The following GLB1L2 variants were observed in gnomAD, a reference collection of about 807,000 sequenced individuals.
GLB1L2 encodes the protein beta-galactosidase-1-like protein 2.
GLB1L2 carries 68 observed loss-of-function variants against 84.1 expected under a neutral mutation model. That is an observed-to-expected ratio of 0.81 (90% CI 0.67 to 0.99). GLB1L2 has a LOEUF of 0.99. Ranked by LOEUF, GLB1L2 falls within the 50% of genes least tolerant of loss-of-function variation. The probability of loss-of-function intolerance (pLI) is 0.00; values close to 1 mark genes in which losing one functional copy is unlikely to be tolerated. For missense variants in GLB1L2, 762 were observed against 805.6 expected, an observed-to-expected ratio of 0.95 and a Z score of 0.66; for synonymous variants, 290 against 318.0, an observed-to-expected ratio of 0.91 and a Z score of 0.94.
At chr11:134,373,927 C>T (rs948541404) in intron 16 of GLB1L2, 119 bp downstream of exon 16, 2 of 822,944 alleles carry the variant, frequency 2.4e-6, no homozygotes, top group Non-Finnish European at 4.0e-6. Context: ...CCTCCAGGGG[C>T]CAGATCGGCT....
In GLB1L2 at chr11:134,345,206, C is replaced by T. The variant is rs1398082520; in HGVS notation, c.449+77C>T. The T allele has an allele frequency of 3.2e-6, 4 of 1,261,788 alleles. No individual in the cohort carries two copies. The African/African-American group carries it at 6.9e-5, about 22-fold the overall frequency. The allele number at this position is 1,261,788 out of a possible 1,614,324, so 78.2% of individuals were successfully genotyped here. A position where few individuals can be genotyped will look rare whatever the true frequency, so the allele number is the denominator to read the frequency against. On this transcript the variant is annotated intron_variant, in intron 4 of 18. Coordinates refer to ENST00000535456, the MANE Select transcript of GLB1L2 (RefSeq NM_001370461.1). ...ATAGGTCTGGTTTGTTTCTGTGTTC[C>T]AGTTCCCATTCTGTACTGAATTGTG...
At chr11:134,369,697 A>T (rs765666222) in intron 10 of GLB1L2, 108 bp from the exon 11 acceptor site, 8 of 880,204 alleles carry the variant, frequency 9.1e-6, no homozygotes, top group Non-Finnish European at 1.4e-5. Flanking sequence ...TGCCTCCCCA[A>T]TGGCTGAGAT....
intron 18 of GLB1L2, 123 bp downstream of exon 18, chr11:134,374,841 C>G: frequency 8.6e-7 from 1 of 1,157,402 alleles, no homozygotes; most frequent in Admixed American, 1.8e-5. Context: ...TCGCTGCAGA[C>G]GAGTTGTTGG....
intron 16 of GLB1L2, among the ~76,000 whole-genome samples, 165 bp from the exon 17 acceptor site, chr11:134,373,980 C>T (rs1348678904): frequency 6.6e-6 from 1 of 152,218 alleles, no homozygotes; most frequent in Non-Finnish European, 1.5e-5. Flanking sequence ...GCCGCATTTG[C>T]AGACTAGGAA....
chr11:134,373,740 T>A lies in GLB1L2; in HGVS notation c.1527T>A (p.Tyr509Ter). ...CCACAGGCTTAATTGGAAATCTCTA[T>A]CTGAATGATTCACCCCTGAAAAACT... ...DQRKGLIGNL[Y>*]LNDSPLKNFR... The change falls in exon 16 of 19, where the codon TAT becomes TAA. Residue 509 changes from tyrosine (Y) to a stop codon, truncating the protein, a stop_gained. Coordinates refer to ENST00000535456, the MANE Select transcript of GLB1L2 (RefSeq NM_001370461.1). LOFTEE classifies it high-confidence loss of function. 4 of 1,612,306 alleles carry A rather than the reference T, an allele frequency of 2.5e-6. No homozygotes were observed. The highest frequency in any genetic ancestry group is 3.4e-6 in the Non-Finnish European group (4 of 1,178,560).
At chr11:134,350,574 A>G (rs1202038158) in intron 5 of GLB1L2, among the ~76,000 whole-genome samples, 1 of 152,194 alleles carries the variant, frequency 6.6e-6, no homozygotes, top group Non-Finnish European at 1.5e-5. Context: ...ATATGAAGTT[A>G]AAACCAGGTA....
chr11:134,347,059 TG>T, intron 4 of GLB1L2: 1 of 441,640 alleles, frequency 2.3e-6, no homozygotes, highest in Non-Finnish European at 4.2e-6. Context: ...TTCTCACTGC[TG>T]GCAGCCAGGC....
chr11:134,366,489 A>T (rs1423603627), intron 8 of GLB1L2, among the ~76,000 whole-genome samples: 1 of 152,180 alleles, frequency 6.6e-6, no homozygotes, highest in East Asian at 1.9e-4. Context: ...TGAATAAGTG[A>T]GGAAGGCTCT....
At chr11:134,361,044 T>A (rs1346683742) in intron 7 of GLB1L2, 1 of 152,142 alleles carries the variant, frequency 6.6e-6, no homozygotes, top group Non-Finnish European at 1.5e-5. Flanking sequence ...TCCCAGCTAC[T>A]CGGGAGCTGA....
intron 5 of GLB1L2, among the ~76,000 whole-genome samples, chr11:134,355,045 C>G (rs980213386): frequency 3.9e-5 from 6 of 152,098 alleles, no homozygotes; most frequent in Admixed American, 2.0e-4. Flanking sequence ...CTTTTATCTC[C>G]TCAGACCTGA....
rs1018187561 is a variant in GLB1L2 at position 134,370,075 on chromosome 11, C to T, written c.1108+190C>T. On this transcript the variant is annotated intron_variant, in intron 11 of 18. Coordinates refer to ENST00000535456, the MANE Select transcript of GLB1L2 (RefSeq NM_001370461.1). The surrounding 1 kb of genome is among the most constrained non-coding windows in gnomAD (Gnocchi z 4.7). ...CGGCTTCACCTGTTACAGGTGTTAA[C>T]GCTCCTTATCTCCTGTGGAGGACGG... is the stretch of plus-strand genomic sequence containing the variant. Among the ~76,000 whole-genome samples, 2 of 152,108 alleles carry T rather than the reference C, an allele frequency of 1.3e-5. No individual in the cohort carries two copies. The highest frequency in any genetic ancestry group is 2.9e-5 in the Non-Finnish European group (2 of 68,012).
At chr11:134,372,297 C>T (rs1418500037) in intron 15 of GLB1L2, 1 of 163,062 alleles carries the variant, frequency 6.1e-6, no homozygotes, top group East Asian at 1.8e-4. Flanking sequence ...GCAAACAAAA[C>T]ACCTGTTGGT....
At chr11:134,335,510 A>T (rs895694106) in intron 1 of GLB1L2, among the ~76,000 whole-genome samples, 1 of 152,094 alleles carries the variant, frequency 6.6e-6, no homozygotes, top group Non-Finnish European at 1.5e-5. Flanking sequence ...TGTCTGAATC[A>T]CCCTGTGCTA....
At chr11:134,365,873 G>C (rs576653452) in intron 8 of GLB1L2, among the ~76,000 whole-genome samples, 1 of 152,316 alleles carries the variant, frequency 6.6e-6, no homozygotes, top group South Asian at 2.1e-4. Flanking sequence ...CTCGTCCTCT[G>C]TGTCCATGAC....
In GLB1L2 at chr11:134,375,145, C is replaced by A; in HGVS notation, c.*87C>A. On this transcript the variant is annotated 3_prime_UTR_variant, in exon 19 of 19. Transcript: ENST00000535456. The stretch of plus-strand genomic sequence containing the variant: ...CTGGTGGCTGCTGCCCCACCCCTCA[C>A]TGCAAAAGCATCTCCTTAAGTAGCA... 2 of 1,012,858 alleles carry A rather than the reference C, an allele frequency of 2.0e-6. No homozygotes were observed. The highest frequency in any genetic ancestry group is 3.0e-6 in the Non-Finnish European group (2 of 669,576). The allele number at this position is 1,012,858 out of a possible 1,614,324, so 62.7% of individuals were successfully genotyped here. A position where few individuals can be genotyped will look rare whatever the true frequency, so the allele number is the denominator to read the frequency against.
chr11:134,356,176 C>A, intron 5 of GLB1L2, 125 bp from the exon 6 acceptor site: 3 of 763,790 alleles, frequency 3.9e-6, no homozygotes, highest in East Asian at 2.5e-5. Flanking sequence ...CTTATTGATA[C>A]TAATCTTTTG....
At chr11:134,355,995 A>G (rs1565438309) in intron 5 of GLB1L2, 1 of 530,058 alleles carries the variant, frequency 1.9e-6, no homozygotes, top group Non-Finnish European at 3.6e-6. Context: ...TGAAAACATC[A>G]TACAATTTTG....
rs1429616023 is a variant in GLB1L2, at chr11:134,344,584, G to A, written c.353+129G>A. 4.6e-6 allele frequency: 5 copies of A among 1,081,518 alleles called. No homozygotes were observed. In the Admixed American group the frequency reaches 8.9e-5, roughly 19 times the overall value. 67.0% of individuals were successfully genotyped at this position (1,081,518 alleles called of 1,614,324 possible). A position where few individuals can be genotyped will look rare whatever the true frequency, so the allele number is the denominator to read the frequency against. ...GGAGTCCTGTTCTAGGACTGTGAGA[G>A]GCCCTGCACCCAGGACCCAGACGCT... On this transcript the variant is annotated intron_variant, in intron 3 of 18. Transcript: ENST00000535456.
At position 134,338,166 on chromosome 11, in the gene GLB1L2, C is replaced by T. The variant is rs1430842688; in HGVS notation, c.87-4588C>T. On this transcript the variant is annotated intron_variant, in intron 1 of 18. Coordinates refer to ENST00000535456, the MANE Select transcript of GLB1L2 (RefSeq NM_001370461.1). The surrounding 1 kb of genome is among the most constrained non-coding windows in gnomAD (Gnocchi z 6.2). The stretch of plus-strand genomic sequence containing the variant: ...TTCTGCTGTGCCCGGTTGCATGGAT[C>T]CTGGCCTATCTGTGTCTGGTCATAC... Among the ~76,000 whole-genome samples the T allele has an allele frequency of 6.6e-6, 1 of 152,134 alleles. No individual in the cohort carries two copies. The highest frequency in any genetic ancestry group is 6.5e-5 in the Admixed American group (1 of 15,286).
Sources: allele counts gnomAD v4.1 joint callset (sites outside exome capture counted in the v4.1 genomes callset), GRCh38; gene constraint gnomAD v4.1.1; non-coding constraint Gnocchi (gnomAD v3.1); transcripts MANE v1.5; gene names NCBI Gene and HGNC (gene_info 2026-07-23, HGNC 2026-07-21).